The following ZBTB17 variants were observed in gnomAD, a reference collection of about 807,000 sequenced individuals.
ZBTB17 encodes zinc finger and BTB domain-containing protein 17.
ZBTB17 carries 24 observed loss-of-function variants against 85.1 expected under a neutral mutation model. The ratio of observed to expected loss-of-function variants is 0.28; its 90% CI spans 0.20 to 0.40. The LOEUF (loss-of-function observed/expected upper bound fraction) is 0.40. ZBTB17 is among the 10% of genes least tolerant of loss of function. The pLI is 1.00. For synonymous variants in ZBTB17, 464 were observed against 460.2 expected (o/e 1.01, Z -0.11); for missense variants, 743 against 1,105.1 (o/e 0.67, Z 4.65).
At chr1:15,957,154 G>A (rs2072073989) in intron 2 of ZBTB17, among the ~76,000 whole-genome samples, 1 of 151,100 alleles carries the variant, frequency 6.6e-6, no homozygotes, top group Non-Finnish European at 1.5e-5. Context: ...ACTCCAGCCT[G>A]GGTGACAGTG....
rs936985132 is a variant in ZBTB17, at chr1:15,973,630, G to A, written c.-89-505C>T. On this transcript the variant is annotated intron_variant, in intron 1 of 15. Coordinates refer to ENST00000375743, the MANE Select transcript of ZBTB17 (RefSeq NM_003443.3). The surrounding 1 kb of genome is among the most constrained non-coding windows in gnomAD (Gnocchi z 4.1). ...CTGCCCTCCCCCAGATCTGCTCCCC[G>A]TACTGCTCCCTATCACATGGAGCAG... Among the ~76,000 whole-genome samples the A allele has an allele frequency of 2.0e-5, 3 of 152,096 alleles. No homozygotes were observed. Among genetic ancestry groups the A allele is most frequent in the African/African-American group, 4.8e-5 (2 of 41,414 alleles).
Position 15,943,612 on chromosome 1 carries a change from G to T in ZBTB17, c.1563C>A (p.Val521=). The change falls in exon 11 of 16, where the codon GTC becomes GTA. Residue 521 remains valine (V), a synonymous_variant. Coordinates refer to ENST00000375743, the MANE Select transcript of ZBTB17 (RefSeq NM_003443.3). ...FADPGALQRH[V]RIHTGEKPCQ... is the part of the protein sequence containing the mutation. ...CTCACCACCCACCTGTGTGAATGCG[G>T]ACGTGCCGCTGCAGAGCGCCGGGGT... is the stretch of plus-strand genomic sequence containing the variant. 2 of 1,612,964 alleles carry T rather than the reference G, an allele frequency of 1.2e-6. No homozygotes were observed. Among genetic ancestry groups the T allele is most frequent in the Non-Finnish European group, 1.7e-6 (2 of 1,179,962 alleles).
intron 3 of ZBTB17, 24 bp from the exon 4 acceptor site, chr1:15,947,147 A>G (rs995322965): frequency 6.9e-6 from 11 of 1,588,806 alleles, no homozygotes; most frequent in Non-Finnish European, 9.5e-6. Context: ...GACAGCTGTC[A>G]CAGACCCACC....
At chr1:15,961,188 G>A (rs1444007312) in intron 2 of ZBTB17, among the ~76,000 whole-genome samples, 1 of 152,176 alleles carries the variant, frequency 6.6e-6, no homozygotes, top group Non-Finnish European at 1.5e-5. Flanking sequence ...CCATGCATTC[G>A]AAGTATAACA....
rs951873253 is a variant in ZBTB17 at position 15,942,745 on chromosome 1, G to A, written c.1829-7C>T. On this transcript the variant is annotated splice_polypyrimidine_tract_variant and splice_region_variant and intron_variant, in intron 13 of 15. Coordinates refer to ENST00000375743, the MANE Select transcript of ZBTB17 (RefSeq NM_003443.3). ...CACAGGTAAGGCTTCTCTCCTGGGG[G>A]AGCAAGGTTCTCTCTTGCCTTTGTG... 3 of 1,612,842 alleles carry A rather than the reference G, an allele frequency of 1.9e-6. No homozygotes were observed. Among genetic ancestry groups the A allele is most frequent in the Non-Finnish European group, 2.5e-6 (3 of 1,179,896 alleles).
intron 2 of ZBTB17, among the ~76,000 whole-genome samples, chr1:15,957,522 A>T (rs918194099): frequency 6.6e-6 from 1 of 152,184 alleles, no homozygotes; most frequent in East Asian, 1.9e-4. Context: ...GACACAGCGG[A>T]CTTTGGATTT....
rs1328918743 is a variant in ZBTB17 at position 15,942,122 on chromosome 1, G to T, written c.2259C>A (p.Phe753Leu). 1 of 1,613,470 alleles carries T rather than the reference G, an allele frequency of 6.2e-7. No homozygotes were observed. The highest frequency in any genetic ancestry group is 8.5e-7 in the Non-Finnish European group (1 of 1,180,040). The change falls in exon 16 of 16, where the codon TTC becomes TTA. Residue 753 changes from phenylalanine to leucine, a missense_variant. Physicochemically the swap from Phe to Leu is conservative, Grantham distance 22 (BLOSUM62 0). Around this residue, in one of 4 missense-constraint regions of ZBTB17, gnomAD observed 69 missense variants for 77.0 expected, o/e 0.90. Transcript: ENST00000375743. ...TGCCACCTGGCCCATACTGCTGATA[G>T]AAGTCCGCGTCTGTCTGGAACATGA... ...ALVMFQTDADFYQQYGPGGTW... is the reference protein window; with the variant it reads ...ALVMFQTDADLYQQYGPGGTW...
intron 1 of ZBTB17, 62 bp downstream of exon 1, chr1:15,975,921 C>A: frequency 1.4e-6 from 1 of 695,720 alleles, no homozygotes; most frequent in South Asian, 1.5e-5. Flanking sequence ...GCGCCCCATC[C>A]TCCGCCGCCT....
intron 6 of ZBTB17, among the ~76,000 whole-genome samples, chr1:15,945,424 C>G (rs886674190): frequency 1.3e-5 from 2 of 152,178 alleles, no homozygotes; most frequent in African/African-American, 2.4e-5. Flanking sequence ...GGAGGGTTGC[C>G]GTGGGTGGCA....
rs542794788 is a variant in ZBTB17 at position 15,956,903 on chromosome 1, G to A, written c.-2-8406C>T. The stretch of plus-strand genomic sequence containing the variant: ...TTACTATTTAAGAAAGGAGGCGGCC[G>A]GGCACAGTGGCTCACGCCTGTAATC... On this transcript the variant is annotated intron_variant, in intron 2 of 15. Coordinates refer to ENST00000375743, the MANE Select transcript of ZBTB17 (RefSeq NM_003443.3). Among the ~76,000 whole-genome samples, 5 of 152,308 alleles carry A rather than the reference G, an allele frequency of 3.3e-5. 1 individual carries two copies. Among genetic ancestry groups the A allele is most frequent in the South Asian group, 4.1e-4 (2 of 4,830 alleles).
At chr1:15,942,863 G>GCACGGGTGCCTCTGGTGA in intron 13 of ZBTB17, 125 bp from the exon 14 acceptor site, 6 of 1,355,052 alleles carry the variant, frequency 4.4e-6, no homozygotes, top group Non-Finnish European at 6.0e-6. Context: ...TGGGGTGGCT[G>GCACGGGTGCCTCTGGTGA]CACGGGTGCC....
intron 2 of ZBTB17, among the ~76,000 whole-genome samples, chr1:15,969,386 C>T (rs760357042): frequency 5.1e-4 from 77 of 152,142 alleles, no homozygotes; most frequent in Non-Finnish European, 8.7e-4. Flanking sequence ...GAAACCACCT[C>T]CCACCCCCCA....
rs770768588 is a variant in ZBTB17 at position 15,943,152 on chromosome 1, G to A, written c.1740C>T (p.His580=). ...TGCACTTGTGTGGGCGGATGTTGTC[G>A]TGGTGGCGAATATGATTGGCCAACT... is the stretch of plus-strand genomic sequence containing the variant. ...SSQLANHIRH[H]DNIRPHKCSV... The change falls in exon 13 of 16, where the codon CAC becomes CAT. Residue 580 remains histidine, a synonymous_variant. Coordinates refer to ENST00000375743, the MANE Select transcript of ZBTB17 (RefSeq NM_003443.3). The A allele has an allele frequency of 1.9e-6, 3 of 1,614,162 alleles. No homozygotes were observed. Among genetic ancestry groups the A allele is most frequent in the African/African-American group, 1.3e-5 (1 of 75,032 alleles).
chr1:15,947,046 C>T lies in ZBTB17; in HGVS notation c.283G>A (p.Val95Met), dbSNP rs765328030. The change falls in exon 4 of 16, where the codon GTG (valine) becomes ATG (methionine). Residue 95 changes from valine (V) to methionine (M), a missense_variant. By Grantham distance (21) the Val-to-Met change is conservative (BLOSUM62 1). Coordinates refer to ENST00000375743, the MANE Select transcript of ZBTB17 (RefSeq NM_003443.3). ...SPENVDDVLAVATFLQMQDII... is the reference protein window; with the variant it reads ...SPENVDDVLAMATFLQMQDII... ...TCCTGCATTTGGAGGAAAGTGGCCA[C>T]GGCCAGCACATCATCCACGTTCTCA... 5 of 1,614,082 alleles carry T rather than the reference C, an allele frequency of 3.1e-6. No individual in the cohort carries two copies. Among genetic ancestry groups the T allele is most frequent in the East Asian group, 2.2e-5 (1 of 44,886 alleles).
chr1:15,948,654 C>A (rs985779645), intron 2 of ZBTB17, among the ~76,000 whole-genome samples, 157 bp from the exon 3 acceptor site: 1 of 151,384 alleles, frequency 6.6e-6, no homozygotes, highest in African/African-American at 2.4e-5. Flanking sequence ...GTCCAGATAC[C>A]CCCTGCAAGC....
At chr1:15,945,285 ACAGTAAATGGC>A in intron 6 of ZBTB17, 83 bp from the exon 7 acceptor site, 2 of 1,509,086 alleles carry the variant, frequency 1.3e-6, no homozygotes, top group Non-Finnish European at 1.8e-6. Context: ...TGTGGAAGGG[ACAGTAAATGGC>A]CCCAGCACTG....
intron 2 of ZBTB17, among the ~76,000 whole-genome samples, chr1:15,965,346 G>A (rs1360502416): frequency 6.6e-6 from 1 of 152,050 alleles, no homozygotes; most frequent in Non-Finnish European, 1.5e-5. Context: ...TGAATGATCA[G>A]TAAGCAACGA....
intron 2 of ZBTB17, among the ~76,000 whole-genome samples, chr1:15,960,488 A>G (rs1480046447): frequency 3.3e-5 from 5 of 152,240 alleles, no homozygotes; most frequent in Non-Finnish European, 7.3e-5. Flanking sequence ...AACGGATGTA[A>G]AAATCTCATC....
At position 15,948,557 on chromosome 1, in the gene ZBTB17, C is replaced by T. The variant is rs112121101; in HGVS notation, c.-2-60G>A. On this transcript the variant is annotated intron_variant, in intron 2 of 15. Coordinates refer to ENST00000375743, the MANE Select transcript of ZBTB17 (RefSeq NM_003443.3). ...GAGAAAGGACGTCAGACACGCTCAA[C>T]AGTCACTCCTAAAGTCCCAGGCGAG... is the stretch of plus-strand genomic sequence containing the variant. The T allele has an allele frequency of 6.6e-3, 10,177 of 1,537,866 alleles. 580 individuals are homozygous for T. The African/African-American group carries it at 0.12, about 18-fold the overall frequency.
Sources: gnomAD v4.1 joint callset for allele counts (sites outside exome capture counted in the v4.1 genomes callset) on GRCh38, gnomAD v4.1.1 for gene constraint, gnomAD v4.1.1 regional missense constraint, Gnocchi (gnomAD v3.1) non-coding constraint, MANE v1.5 for transcripts, NCBI Gene and HGNC (gene_info 2026-07-23, HGNC 2026-07-21) for gene names.